C2orf66: variants seen among roughly 807,000 people sequenced by gnomAD.
C2orf66 encodes the protein chromosome 2 open reading frame 66, also known as uncharacterized protein C2orf66.
Under a neutral mutation model 7.0 loss-of-function variants are expected in C2orf66, and 6 were observed. That is an observed-to-expected ratio of 0.86 (90% CI 0.47 to 1.69). The LOEUF is 1.69. C2orf66 is among the 40% of genes most tolerant of loss of function. The pLI is 0.01. For missense variants in C2orf66, 107 were observed against 112.0 expected (o/e 0.96, Z 0.20); for synonymous variants, 38 against 43.8 (o/e 0.87, Z 0.52).
the C2orf66 span, among the ~76,000 whole-genome samples, chr2:196,828,314 T>C: frequency 6.6e-6 from 1 of 151,064 alleles, no homozygotes; most frequent in Non-Finnish European, 1.5e-5. Flanking sequence ...GAGACTTCTT[T>C]AAAAGCTGTT....
chr2:196,807,123 A>G (rs1479984204), intron 2 of C2orf66, among the ~76,000 whole-genome samples: 1 of 152,182 alleles, frequency 6.6e-6, no homozygotes, highest in African/African-American at 2.4e-5. Context: ...AAAAAGATAC[A>G]GGTAAGAGTG....
the C2orf66 span, among the ~76,000 whole-genome samples, chr2:196,826,095 AAAT>A: frequency 3.3e-5 from 5 of 152,204 alleles, no homozygotes; most frequent in African/African-American, 1.2e-4. Flanking sequence ...CAACAAAAGA[AAAT>A]AATAAGCACT....
upstream of C2orf66, among the ~76,000 whole-genome samples, chr2:196,812,810 T>C (rs1699889417): frequency 6.6e-6 from 1 of 152,150 alleles, no homozygotes; most frequent in Non-Finnish European, 1.5e-5. Flanking sequence ...AGCCAAATCA[T>C]GAGTGAACTC....
chr2:196,806,961 G>A (rs1699826484), intron 2 of C2orf66, among the ~76,000 whole-genome samples: 1 of 152,100 alleles, frequency 6.6e-6, no homozygotes, highest in African/African-American at 2.4e-5. Context: ...CTTCCTATAG[G>A]TGAGGAAGTT....
At chr2:196,813,392 T>C (rs1020694284), upstream of C2orf66, among the ~76,000 whole-genome samples, 2 of 152,206 alleles carry the variant, frequency 1.3e-5, no homozygotes, top group Admixed American at 6.5e-5. Context: ...AAGCTGAAAC[T>C]GGATCCTTTC....
At chr2:196,811,736 G>C (rs1157075640), upstream of C2orf66, among the ~76,000 whole-genome samples, 1 of 152,162 alleles carries the variant, frequency 6.6e-6, no homozygotes, top group Non-Finnish European at 1.5e-5. Flanking sequence ...ATCTGGGAAG[G>C]AAATGTAAAT....
the C2orf66 span, among the ~76,000 whole-genome samples, chr2:196,830,635 C>T: frequency 1.3e-4 from 20 of 152,150 alleles, no homozygotes; most frequent in African/African-American, 4.1e-4. Flanking sequence ...TGGGAACTTG[C>T]GTAAGCGTGA....
chr2:196,817,813 C>T, the C2orf66 span, among the ~76,000 whole-genome samples: 12 of 152,318 alleles, frequency 7.9e-5, no homozygotes, highest in South Asian at 2.1e-4. Context: ...CCTACTTGCA[C>T]GTCCATTTAT....
upstream of C2orf66, chr2:196,809,362 G>C: frequency 1.9e-6 from 3 of 1,612,460 alleles, no homozygotes. Flanking sequence ...AGTGAAAGAG[G>C]GGATGCGGGA....
the C2orf66 span, among the ~76,000 whole-genome samples, chr2:196,816,432 C>A: frequency 1.8e-4 from 28 of 152,300 alleles, no homozygotes; most frequent in African/African-American, 6.5e-4. Context: ...CCTCAGAATT[C>A]TGTAGTTATT....
intron 1 of C2orf66, among the ~76,000 whole-genome samples, chr2:196,808,590 A>G (rs909133730): frequency 1.3e-5 from 2 of 152,166 alleles, no homozygotes; most frequent in African/African-American, 4.8e-5. Context: ...CTCTTATCTC[A>G]GTTTATTTTA....
the C2orf66 span, among the ~76,000 whole-genome samples, chr2:196,822,498 C>A: frequency 6.6e-6 from 1 of 152,204 alleles, no homozygotes; most frequent in Non-Finnish European, 1.5e-5. Context: ...AGATTACATT[C>A]TCAATTAGAA....
chr2:196,817,534 C>T, the C2orf66 span, among the ~76,000 whole-genome samples: 33 of 152,176 alleles, frequency 2.2e-4, no homozygotes, highest in South Asian at 4.6e-3. Context: ...CGCACCTGGC[C>T]GCACGTATTG....
At chr2:196,825,529 A>G in the C2orf66 span, among the ~76,000 whole-genome samples, 1 of 152,320 alleles carries the variant, frequency 6.6e-6, no homozygotes, top group East Asian at 1.9e-4. Context: ...GTGTATACAT[A>G]TATCAAAACA....
the C2orf66 span, among the ~76,000 whole-genome samples, chr2:196,819,414 A>G: frequency 6.6e-6 from 1 of 152,194 alleles, no homozygotes; most frequent in Non-Finnish European, 1.5e-5. Flanking sequence ...GTAAGGATAC[A>G]GGGAGAAGAT....
At chr2:196,827,010 G>A in the C2orf66 span, among the ~76,000 whole-genome samples, 169 of 151,630 alleles carry the variant, frequency 1.1e-3, no homozygotes, top group African/African-American at 3.5e-3. Context: ...TAGCCTTGAC[G>A]ACAGAGGGAG....
chr2:196,830,936 A>T, the C2orf66 span, among the ~76,000 whole-genome samples: 16 of 152,136 alleles, frequency 1.1e-4, no homozygotes, highest in African/African-American at 3.6e-4. Context: ...TCCAGCAGAG[A>T]GTGTAACCTA....
At chr2:196,812,879 T>C (rs1699889677), upstream of C2orf66, among the ~76,000 whole-genome samples, 2 of 152,200 alleles carry the variant, frequency 1.3e-5, no homozygotes, top group African/African-American at 4.8e-5. Context: ...ATAAGGGATA[T>C]GAAGGATCTC....
the C2orf66 span, among the ~76,000 whole-genome samples, chr2:196,830,061 C>A: frequency 6.6e-6 from 1 of 152,208 alleles, no homozygotes; most frequent in Non-Finnish European, 1.5e-5. Context: ...CCCCATTTTA[C>A]TCCTCCCATA....
Sources: allele counts gnomAD v4.1 joint callset (sites outside exome capture counted in the v4.1 genomes callset), GRCh38; gene constraint gnomAD v4.1.1; transcripts MANE v1.5; gene names NCBI Gene and HGNC (gene_info 2026-07-23, HGNC 2026-07-21).